The following LMX1A variants were observed in gnomAD, a reference collection of about 807,000 sequenced individuals.
LMX1A encodes the protein LIM homeobox transcription factor 1 alpha.
A neutral mutation model predicts 49.1 loss-of-function variants in LMX1A; 15 were observed. That is an observed-to-expected ratio of 0.31 (90% confidence interval 0.20 to 0.47). LMX1A has a LOEUF of 0.47. Among genes scored for constraint, LMX1A ranks in the 20% least tolerant of loss-of-function variants. LMX1A has a pLI of 1.00. For synonymous variants in LMX1A, 167 were observed against 185.7 expected (o/e 0.90, Z 0.82); for missense variants, 372 against 475.8 (o/e 0.78, Z 2.03).
At chr1:165,225,381 A>T (rs1651996318) in intron 4 of LMX1A, among the ~76,000 whole-genome samples, 1 of 152,260 alleles carries the variant, frequency 6.6e-6, no homozygotes, top group South Asian at 2.1e-4. Flanking sequence ...CACTACAATC[A>T]TTCGGAAATT....
chr1:165,258,856 C>A (rs1457017614), intron 3 of LMX1A, among the ~76,000 whole-genome samples: 1 of 152,188 alleles, frequency 6.6e-6, no homozygotes, highest in East Asian at 1.9e-4. Context: ...AACCTGTATT[C>A]AAACCTTGGT....
At chr1:165,256,620 C>A (rs753408037) in intron 3 of LMX1A, among the ~76,000 whole-genome samples, 5 of 152,122 alleles carry the variant, frequency 3.3e-5, no homozygotes, top group Admixed American at 2.6e-4. Context: ...GATATCTATT[C>A]TATTAATAGA....
chr1:165,224,615 A>C (rs1429922936), intron 4 of LMX1A, among the ~76,000 whole-genome samples: 1 of 152,240 alleles, frequency 6.6e-6, no homozygotes, highest in Non-Finnish European at 1.5e-5. Context: ...TATCCTCCAC[A>C]ACACAACAAC....
chr1:165,250,352 C>T (rs994184371), intron 3 of LMX1A, among the ~76,000 whole-genome samples: 2 of 152,208 alleles, frequency 1.3e-5, no homozygotes, highest in Admixed American at 6.5e-5. Context: ...GCCAGGCAGG[C>T]TGTTCAGAAT....
chr1:165,233,897 C>G (rs1557857962), intron 4 of LMX1A, among the ~76,000 whole-genome samples: 2 of 152,096 alleles, frequency 1.3e-5, no homozygotes, highest in African/African-American at 4.8e-5. Flanking sequence ...TTCTCTGAAA[C>G]CCCTCTCTAA....
chr1:165,210,367 C>G (rs1225951599), intron 6 of LMX1A, among the ~76,000 whole-genome samples: 1 of 152,164 alleles, frequency 6.6e-6, no homozygotes, highest in Non-Finnish European at 1.5e-5. Context: ...TTTAAAATAA[C>G]TTTGGTATTT....
intron 3 of LMX1A, among the ~76,000 whole-genome samples, chr1:165,253,834 C>T (rs77450144): frequency 2.2e-4 from 33 of 152,290 alleles, no homozygotes; most frequent in African/African-American, 7.7e-4. Flanking sequence ...AGCTGCCCTT[C>T]CCCTGTCCTC....
At chr1:165,258,973 T>C (rs951884322) in intron 3 of LMX1A, among the ~76,000 whole-genome samples, 1 of 152,192 alleles carries the variant, frequency 6.6e-6, no homozygotes. Context: ...GGAGATTAAG[T>C]AAGTAGTGTA....
chr1:165,339,242 G>C (rs1655992651), intron 3 of LMX1A, among the ~76,000 whole-genome samples: 1 of 152,340 alleles, frequency 6.6e-6, no homozygotes, highest in South Asian at 2.1e-4. Context: ...GCTGGGTACA[G>C]ACTGTGTTAC....
chr1:165,293,338 A>G (rs1251699534), intron 3 of LMX1A, among the ~76,000 whole-genome samples: 1 of 152,192 alleles, frequency 6.6e-6, no homozygotes, highest in Admixed American at 6.5e-5. Context: ...CACTTTCACA[A>G]ATAATATTTG....
At chr1:165,222,685 T>C (rs762884823) in intron 4 of LMX1A, among the ~76,000 whole-genome samples, 5 of 152,168 alleles carry the variant, frequency 3.3e-5, no homozygotes, top group Non-Finnish European at 5.9e-5. Context: ...GTTTTAAACA[T>C]AGAGAGAAGT....
rs900108025 is a variant in LMX1A, at chr1:165,337,362, A to G, written c.263+15714T>C. On this transcript the variant is annotated intron_variant, in intron 3 of 8. Transcript: ENST00000342310. ...AGATTGAAAAGCAACTATGCATGAA[A>G]AATGATAATAATCTGCACTCCAACT... 1.4e-4 allele frequency among the ~76,000 whole-genome samples: 21 copies of G among 152,360 alleles called. No homozygotes were observed. The Middle Eastern group carries it at 0.01, about 74-fold the overall frequency.
At chr1:165,317,267 G>T (rs1350043170) in intron 3 of LMX1A, among the ~76,000 whole-genome samples, 1 of 152,192 alleles carries the variant, frequency 6.6e-6, no homozygotes, top group Non-Finnish European at 1.5e-5. Flanking sequence ...TCCATAGATA[G>T]AATTAATACA....
chr1:165,337,278 A>G (rs1170046672), intron 3 of LMX1A, among the ~76,000 whole-genome samples: 1 of 152,228 alleles, frequency 6.6e-6, no homozygotes, highest in East Asian at 1.9e-4. Flanking sequence ...TAATTAAATG[A>G]TAATTTTAGA....
In LMX1A at chr1:165,210,651, T is replaced by G. The variant is rs1170654324; in HGVS notation, c.747+48A>C. The G allele has an allele frequency of 2.8e-6, 4 of 1,436,524 alleles. No individual in the cohort carries two copies. The Admixed American group carries it at 6.8e-5, about 24-fold the overall frequency. The allele number at this position is 1,436,524 out of a possible 1,614,324, so 89.0% of individuals were successfully genotyped here. ...AGTACAATGTCCTACTGTGATTATT[T>G]CAGGAAACCAGCAACATGGGGACAG... On this transcript the variant is annotated intron_variant, in intron 6 of 8. Transcript: ENST00000342310.
At chr1:165,238,024 A>C (rs1347114735) in intron 4 of LMX1A, among the ~76,000 whole-genome samples, 1 of 152,222 alleles carries the variant, frequency 6.6e-6, no homozygotes, top group Non-Finnish European at 1.5e-5. Context: ...CTGCATGTCC[A>C]GAGAATGCAA....
At chr1:165,352,280 G>A (rs1656450846) in intron 3 of LMX1A, among the ~76,000 whole-genome samples, 1 of 152,132 alleles carries the variant, frequency 6.6e-6, no homozygotes, top group African/African-American at 2.4e-5. Flanking sequence ...CTGCCTCCCA[G>A]TTCTCCTCTG....
chr1:165,307,059 G>A (rs1654939071), intron 3 of LMX1A, among the ~76,000 whole-genome samples: 1 of 152,214 alleles, frequency 6.6e-6, no homozygotes, highest in Admixed American at 6.5e-5. Flanking sequence ...TTCATGCAAG[G>A]GAATCAGGCA....
At chr1:165,247,663 A>G (rs1253595169) in intron 4 of LMX1A, among the ~76,000 whole-genome samples, 2 of 152,230 alleles carry the variant, frequency 1.3e-5, no homozygotes, top group Non-Finnish European at 2.9e-5. Context: ...CACGGCTGCT[A>G]CAAAGATGCT....
Sources: allele counts gnomAD v4.1 joint callset (sites outside exome capture counted in the v4.1 genomes callset), GRCh38; gene constraint gnomAD v4.1.1; transcripts MANE v1.5; gene names NCBI Gene and HGNC (gene_info 2026-07-23, HGNC 2026-07-21).